Variants in LMX1A observed in about 807,000 individuals in gnomAD.
LMX1A encodes LIM homeobox transcription factor 1 alpha, also known as LIM homeobox transcription factor 1-alpha.
A neutral mutation model predicts 49.1 loss-of-function variants in LMX1A; 15 were observed. The observed-to-expected ratio is 0.31, with a 90% CI of 0.20 to 0.47. LMX1A has a LOEUF of 0.47. Among genes scored for constraint, LMX1A ranks in the 20% least tolerant of loss-of-function variants. The pLI, the probability that LMX1A is intolerant of heterozygous loss-of-function variation, is 1.00. For synonymous variants in LMX1A, 167 were observed against 185.7 expected (o/e 0.90, Z 0.82); for missense variants, 372 against 475.8 (o/e 0.78, Z 2.03).
At chr1:165,353,758 A>C (rs1656505963) in intron 2 of LMX1A, among the ~76,000 whole-genome samples, 1 of 152,248 alleles carries the variant, frequency 6.6e-6, no homozygotes, top group South Asian at 2.1e-4. Context: ...CTTCCTAAAA[A>C]GTCCTGGGGG....
At chr1:165,331,781 G>C (rs1655750077) in intron 3 of LMX1A, among the ~76,000 whole-genome samples, 1 of 152,098 alleles carries the variant, frequency 6.6e-6, no homozygotes, top group Non-Finnish European at 1.5e-5. Flanking sequence ...GCCAGGCATG[G>C]TGGCAGGTGC....
chr1:165,239,139 G>A (rs10753667), intron 4 of LMX1A, among the ~76,000 whole-genome samples: 60,630 of 152,080 alleles, frequency 0.4, 13,482 homozygotes, highest in East Asian at 0.62. Context: ...CAGGAGAAAT[G>A]AATGCACACA....
Position 165,206,005 on chromosome 1 carries a change from T to A in LMX1A, c.847A>T (p.Met283Leu), listed in dbSNP as rs146994534. 8 of 1,584,306 alleles carry A rather than the reference T, an allele frequency of 5.0e-6. No individual in the cohort carries two copies. The African/African-American group carries it at 8.2e-5, about 16-fold the overall frequency. ...GTGTAGGGGTTCATGATTCCTTCCA[T>A]CCCAGCACTCCCACCACCGTTTGTC... ...AQTNGGGSAG[M>L]EGIMNPYTAL... The change falls in exon 8 of 9, where the codon ATG (methionine) becomes TTG (leucine). Residue 283 changes from methionine to leucine, a missense_variant. Around this residue, in one of 3 missense-constraint regions of LMX1A, gnomAD observed 127 missense variants for 138.0 expected, o/e 0.92. Coordinates refer to ENST00000342310, the MANE Select transcript of LMX1A (RefSeq NM_177398.4).
intron 3 of LMX1A, among the ~76,000 whole-genome samples, chr1:165,256,339 G>T (rs1653242559): frequency 6.6e-6 from 1 of 152,062 alleles, no homozygotes; most frequent in African/African-American, 2.4e-5. Context: ...CTGAATCTTG[G>T]TTATCTTATC....
rs1316861408 is a variant in LMX1A at position 165,202,571 on chromosome 1, T to G, written c.*1309A>C. 1 of 151,710 alleles carries G rather than the reference T, an allele frequency of 6.6e-6. No homozygotes were observed. The highest frequency in any genetic ancestry group is 1.5e-5 in the Non-Finnish European group (1 of 67,902). The allele number at this position is 151,710 out of a possible 1,614,324, so 9.4% of individuals were successfully genotyped here. ...AGCCTGTTATATATTCTTCTTCTCC[T>G]TTTTTTTAATGACCTCAAAAAAAAA... On this transcript the variant is annotated 3_prime_UTR_variant, in exon 9 of 9. Transcript: ENST00000342310.
intron 4 of LMX1A, among the ~76,000 whole-genome samples, chr1:165,242,188 A>G (rs2102630305): frequency 6.6e-6 from 1 of 152,334 alleles, no homozygotes; most frequent in Admixed American, 6.5e-5. Flanking sequence ...TGAATGCTGA[A>G]CACAAGGAGT....
At chr1:165,235,143 A>G (rs1652380245) in intron 4 of LMX1A, among the ~76,000 whole-genome samples, 1 of 141,874 alleles carries the variant, frequency 7.0e-6, no homozygotes, top group Non-Finnish European at 1.5e-5. Context: ...TGAAGGAGAG[A>G]CAGTTAGAGC....
rs74357329 is a variant in LMX1A at position 165,224,169 on chromosome 1, T to C, written c.497-10356A>G. 9.2e-5 allele frequency among the ~76,000 whole-genome samples: 14 copies of C among 152,298 alleles called. No individual in the cohort carries two copies. In the East Asian group the frequency reaches 1.9e-3, roughly 21 times the overall value. On this transcript the variant is annotated intron_variant, in intron 4 of 8. Coordinates refer to ENST00000342310, the MANE Select transcript of LMX1A (RefSeq NM_177398.4). ...GCACCTCTCTCCTCTTTCTCTTGCT[T>C]CTTCTCCACCATGTAAGATGCCTGG...
rs1437094959 is a variant in LMX1A, at chr1:165,223,029, G to A, written c.497-9216C>T. 2.0e-5 allele frequency among the ~76,000 whole-genome samples: 3 copies of A among 149,464 alleles called. No individual in the cohort carries two copies. In the East Asian group the frequency reaches 6.0e-4, roughly 30 times the overall value. ...GAATACAGAGTTTCTTTTGGTGGTG[G>A]GGTGGGGGAGTGATAAAAAATGCTC... is the stretch of plus-strand genomic sequence containing the variant. On this transcript the variant is annotated intron_variant, in intron 4 of 8. Coordinates refer to ENST00000342310, the MANE Select transcript of LMX1A (RefSeq NM_177398.4).
chr1:165,253,275 A>C (rs1489473374), intron 3 of LMX1A, among the ~76,000 whole-genome samples: 1 of 152,234 alleles, frequency 6.6e-6, no homozygotes, highest in Non-Finnish European at 1.5e-5. Flanking sequence ...ATGTCCCATG[A>C]ATATAAAATA....
At chr1:165,351,548 C>T (rs1656427782) in intron 3 of LMX1A, among the ~76,000 whole-genome samples, 1 of 152,168 alleles carries the variant, frequency 6.6e-6, no homozygotes, top group South Asian at 2.1e-4. Flanking sequence ...GGAGTTTTCA[C>T]TTCTTTATAT....
intron 3 of LMX1A, among the ~76,000 whole-genome samples, chr1:165,319,041 A>ACACACACC (rs1166948163): frequency 7.3e-6 from 1 of 136,502 alleles, no homozygotes; most frequent in African/African-American, 2.7e-5. Flanking sequence ...ACACACACAC[A>ACACACACC]CCCCAACTTC....
At chr1:165,230,896 C>A (rs1652217561) in intron 4 of LMX1A, among the ~76,000 whole-genome samples, 1 of 152,150 alleles carries the variant, frequency 6.6e-6, no homozygotes, top group African/African-American at 2.4e-5. Flanking sequence ...AATTCAGGGT[C>A]CTGCTGAGCA....
chr1:165,292,073 A>C (rs929017613), intron 3 of LMX1A, among the ~76,000 whole-genome samples: 22 of 145,180 alleles, frequency 1.5e-4, no homozygotes, highest in Admixed American at 1.0e-3. Flanking sequence ...AAAAAAAAAA[A>C]AAAAAAAAAA....
intron 3 of LMX1A, among the ~76,000 whole-genome samples, chr1:165,258,836 C>A (rs904095465): frequency 6.6e-6 from 1 of 152,198 alleles, no homozygotes; most frequent in Non-Finnish European, 1.5e-5. Context: ...CAGCTTTTGA[C>A]ATCTGATTAA....
chr1:165,272,315 A>C (rs1157885437), intron 3 of LMX1A, among the ~76,000 whole-genome samples: 1 of 152,196 alleles, frequency 6.6e-6, no homozygotes. Flanking sequence ...AATTGCAAAC[A>C]TTTGCTGCTG....
rs140355379 is a variant in LMX1A, at chr1:165,318,930, G to T, written c.263+34146C>A. ...ACAAACTTACCTCCTGGTTAAGCCC[G>T]GGTTAATTAGGTTTTCTGTTATCTG... On this transcript the variant is annotated intron_variant, in intron 3 of 8. Transcript: ENST00000342310. 5.3e-5 allele frequency among the ~76,000 whole-genome samples: 8 copies of T among 151,560 alleles called. No homozygotes were observed. The East Asian group carries it at 5.8e-4, about 11-fold the overall frequency.
Position 165,355,355 on chromosome 1 carries a change from G to T in LMX1A, c.76+129C>A. The stretch of plus-strand genomic sequence containing the variant: ...AGCACTGACGGACAGATAGTGATGG[G>T]GCTCAATTTAGTGTATGAAGAGGGG... On this transcript the variant is annotated intron_variant, in intron 2 of 8. Coordinates refer to ENST00000342310, the MANE Select transcript of LMX1A (RefSeq NM_177398.4). The surrounding 1 kb of genome is among the most constrained non-coding windows in gnomAD (Gnocchi z 4.7). 1 of 813,694 alleles carries T rather than the reference G, an allele frequency of 1.2e-6. No homozygotes were observed. Among genetic ancestry groups the T allele is most frequent in the Non-Finnish European group, 2.0e-6 (1 of 500,772 alleles). The allele number at this position is 813,694 out of a possible 1,614,324, so 50.4% of individuals were successfully genotyped here. A position where few individuals can be genotyped will look rare whatever the true frequency, so the allele number is the denominator to read the frequency against.
rs1656569028 is a variant in LMX1A, at chr1:165,355,272, C to T, written c.76+212G>A. On this transcript the variant is annotated intron_variant, in intron 2 of 8. Coordinates refer to ENST00000342310, the MANE Select transcript of LMX1A (RefSeq NM_177398.4). This position sits in a 1 kb window ranked among gnomAD's most constrained non-coding sequence, Gnocchi z 4.7. ...CCTCGCGGCTTTGGGGAATTCGGTGCCCAGTGCGTGAGGCCTGGGGCGGCT... is the reference window on the plus strand; with the variant it reads ...CCTCGCGGCTTTGGGGAATTCGGTGTCCAGTGCGTGAGGCCTGGGGCGGCT... Among the ~76,000 whole-genome samples the T allele has an allele frequency of 6.6e-6, 1 of 152,120 alleles. No individual in the cohort carries two copies. The highest frequency in any genetic ancestry group is 2.1e-4 in the South Asian group (1 of 4,824).
Sources: allele counts gnomAD v4.1 joint callset (sites outside exome capture counted in the v4.1 genomes callset), GRCh38; gene constraint gnomAD v4.1.1; regional missense constraint gnomAD v4.1.1; non-coding constraint Gnocchi (gnomAD v3.1); transcripts MANE v1.5; gene names NCBI Gene and HGNC (gene_info 2026-07-23, HGNC 2026-07-21).